Variants in OR5A1 observed in about 807,000 individuals in gnomAD.
OR5A1 encodes olfactory receptor family 5 subfamily A member 1.
A neutral mutation model predicts 6.7 loss-of-function variants in OR5A1; 6 were observed. That is an observed-to-expected ratio of 0.89 (90% CI 0.49 to 1.76). The LOEUF (loss-of-function observed/expected upper bound fraction) is 1.76, where lower values mean the gene tolerates loss of function less well. OR5A1 is among the 40% of genes most tolerant of loss of function. The pLI is 0.01. For synonymous variants in OR5A1, 170 were observed against 155.0 expected, an observed-to-expected ratio of 1.10 and a Z score of -0.72; for missense variants, 378 against 381.7, an observed-to-expected ratio of 0.99 and a Z score of 0.08.
chr11:59,441,659 T>TCAGTGTGG (rs1179573172), intron 1 of OR5A1, among the ~76,000 whole-genome samples: 9 of 152,212 alleles, frequency 5.9e-5, no homozygotes, highest in African/African-American at 1.9e-4. Flanking sequence ...GCATTGAGAC[T>TCAGTGTGG]CAGTGTGGCT....
At position 59,444,966 on chromosome 11, in the gene OR5A1, T is replaced by G. The variant is rs1048194906; in HGVS notation, c.*850T>G. 1 of 141,352 alleles carries G rather than the reference T, an allele frequency of 7.1e-6. No homozygotes were observed. Among genetic ancestry groups the G allele is most frequent in the Non-Finnish European group, 1.6e-5 (1 of 64,284 alleles). 8.8% of individuals were successfully genotyped at this position (141,352 alleles called of 1,614,324 possible). ...GTACCTCCTTGATTTTTCTTTAATA[T>G]TTCACTAAATGTTGTATTTTTTTTC... On this transcript the variant is annotated 3_prime_UTR_variant, in exon 2 of 2. Transcript: ENST00000641045.
Position 59,436,508 on chromosome 11 carries a change from C to T in OR5A1, c.-361C>T, listed in dbSNP as rs1399519387. On this transcript the variant is annotated 5_prime_UTR_variant, in exon 1 of 2. It introduces an in-frame stop codon into an upstream open reading frame of the 5' UTR. Coordinates refer to ENST00000641045, the MANE Select transcript of OR5A1 (RefSeq NM_001004728.2). ...AGGACAGAAGAAAAAAACCTCTCCC[C>T]AATTTACCCCCAACCCCAGCTTTGA... 13 of 152,148 alleles carry T rather than the reference C, an allele frequency of 8.5e-5. No individual in the cohort carries two copies. The highest frequency in any genetic ancestry group is 8.5e-4 in the Admixed American group (13 of 15,258). 9.4% of individuals were successfully genotyped at this position (152,148 alleles called of 1,614,324 possible).
intron 1 of OR5A1, among the ~76,000 whole-genome samples, chr11:59,439,945 T>C (rs186872288): frequency 1.1e-3 from 162 of 152,362 alleles, no homozygotes; most frequent in Middle Eastern, 3.4e-3. Flanking sequence ...TAAGGAATAG[T>C]TGCTGCTGAT....
chr11:59,439,280 G>C, intron 1 of OR5A1, among the ~76,000 whole-genome samples: 1 of 152,086 alleles, frequency 6.6e-6, no homozygotes, highest in Non-Finnish European at 1.5e-5. Context: ...TAGGTGCTTG[G>C]TTTTACTGTA....
At chr11:59,442,609 A>G (rs903177055) in intron 1 of OR5A1, among the ~76,000 whole-genome samples, 3 of 152,198 alleles carry the variant, frequency 2.0e-5, no homozygotes, top group Non-Finnish European at 4.4e-5. Flanking sequence ...CATTAAAAAC[A>G]TTCTATCTGA....
intron 1 of OR5A1, among the ~76,000 whole-genome samples, chr11:59,439,117 C>T (rs906723016): frequency 6.6e-6 from 1 of 152,158 alleles, no homozygotes; most frequent in Non-Finnish European, 1.5e-5. Flanking sequence ...TCCTCCATCA[C>T]AAACTGTGTC....
rs930122557 is a variant in OR5A1, at chr11:59,445,991, A to G, written c.*1875A>G. ...TTTGCAGAATCTCTTTAGTTTAATT[A>G]GATCCCATTTGCCAATGTTTGCTTT... On this transcript the variant is annotated 3_prime_UTR_variant, in exon 2 of 2. Coordinates refer to ENST00000641045, the MANE Select transcript of OR5A1 (RefSeq NM_001004728.2). The G allele has an allele frequency of 6.6e-6, 1 of 152,194 alleles. No individual in the cohort carries two copies. The highest frequency in any genetic ancestry group is 2.4e-5 in the African/African-American group (1 of 41,436). The allele number at this position is 152,194 out of a possible 1,614,324, so 9.4% of individuals were successfully genotyped here.
chr11:59,446,746 C>T lies in OR5A1; in HGVS notation c.*2630C>T, dbSNP rs982903979. The T allele has an allele frequency of 2.0e-5, 3 of 152,218 alleles. No homozygotes were observed. The highest frequency in any genetic ancestry group is 4.4e-5 in the Non-Finnish European group (3 of 68,038). 9.4% of individuals were successfully genotyped at this position (152,218 alleles called of 1,614,324 possible). On this transcript the variant is annotated 3_prime_UTR_variant, in exon 2 of 2. Transcript: ENST00000641045. Reference sequence around the variant, plus strand: ...TTCAGGCACTCACAGTGGAATTGTCCCACACAACTATTTCTGCTGGTAAAT... The same window carrying T: ...TTCAGGCACTCACAGTGGAATTGTCTCACACAACTATTTCTGCTGGTAAAT...
rs1298885649 is a variant in OR5A1 at position 59,447,177 on chromosome 11, T to A, written c.*3061T>A. 6.6e-6 allele frequency: 1 copy of A among 152,168 alleles called. No individual in the cohort carries two copies. The highest frequency in any genetic ancestry group is 2.4e-5 in the African/African-American group (1 of 41,450). 9.4% of individuals were successfully genotyped at this position (152,168 alleles called of 1,614,324 possible). A position where few individuals can be genotyped will look rare whatever the true frequency, so the allele number is the denominator to read the frequency against. On this transcript the variant is annotated 3_prime_UTR_variant, in exon 2 of 2. Transcript: ENST00000641045. ...TGAGACTAAACTCATAAACACTTTG[T>A]GACATTTCCCCCAAGTGGGCCCCTG...
Position 59,448,487 on chromosome 11 carries a change from A to G in OR5A1, c.*4371A>G, listed in dbSNP as rs1858578517. On this transcript the variant is annotated 3_prime_UTR_variant, in exon 2 of 2. Transcript: ENST00000641045. ...TCATCCAATGCTTGGATCTTACAGG[A>G]TTATTATGAGCCCAAAAAAAGAAAA... 1 of 152,158 alleles carries G rather than the reference A, an allele frequency of 6.6e-6. No homozygotes were observed. Among genetic ancestry groups the G allele is most frequent in the Admixed American group, 6.5e-5 (1 of 15,268 alleles). The allele number at this position is 152,158 out of a possible 1,614,324, so 9.4% of individuals were successfully genotyped here.
At chr11:59,440,265 T>G (rs1211065700) in intron 1 of OR5A1, among the ~76,000 whole-genome samples, 3 of 152,056 alleles carry the variant, frequency 2.0e-5, no homozygotes, top group Admixed American at 6.6e-5. Flanking sequence ...AGAGATGAGG[T>G]CTCACCATGT....
Position 59,443,486 on chromosome 11 carries a change from C to T in OR5A1, c.318C>T (p.Phe106=), listed in dbSNP as rs1451379723. Residue 106 remains phenylalanine, a synonymous_variant, in exon 2 of 2, where the codon TTC becomes TTT. Transcript: ENST00000641045. Reference sequence around the variant, plus strand: ...TGGGCTGTGCTGCTCAGTTTTTTTTCTTTGTCGGCATGGGTCTGTCTGAGT... The same window carrying T: ...TGGGCTGTGCTGCTCAGTTTTTTTTTTTTGTCGGCATGGGTCTGTCTGAGT... ...SFVGCAAQFF[F]FVGMGLSECL... 1 of 1,613,864 alleles carries T rather than the reference C, an allele frequency of 6.2e-7. No individual in the cohort carries two copies. The highest frequency in any genetic ancestry group is 1.1e-5 in the South Asian group (1 of 91,064).
In OR5A1 at chr11:59,443,392, G is replaced by A. The variant is rs865781042; in HGVS notation, c.224G>A (p.Cys75Tyr). Residue 75 changes from cysteine to tyrosine, a missense_variant, in exon 2 of 2, where the codon TGC becomes TAC. Transcript: ENST00000641045. The part of the protein sequence containing the change: ...FLSNLSFIDI[C>Y]YSSAVAPNML... ...AGCAACTTATCTTTCATTGACATCT[G>A]CTACTCTTCTGCTGTGGCTCCCAAT... 5 of 1,613,636 alleles carry A rather than the reference G, an allele frequency of 3.1e-6. No individual in the cohort carries two copies. In the African/African-American group the frequency reaches 5.3e-5, roughly 17 times the overall value.
In OR5A1 at chr11:59,443,229, A is replaced by G. The variant is rs535458668; in HGVS notation, c.61A>G (p.Thr21Ala). ...GACCATGTTCATCCTCCTGGGATTC[A>G]CAGACCATCCAGAACTCCAGGCCCT... Reference protein sequence around the residue: ...SVTMFILLGFTDHPELQALLF... With the variant: ...SVTMFILLGFADHPELQALLF... The change falls in exon 2 of 2, where the codon ACA (threonine) becomes GCA (alanine). Residue 21 changes from threonine (T) to alanine (A), a missense_variant. Physicochemically the swap from Thr to Ala is moderately conservative, Grantham distance 58. Transcript: ENST00000641045. 2.5e-6 allele frequency: 4 copies of G among 1,614,102 alleles called. No homozygotes were observed. In the South Asian group the frequency reaches 4.4e-5, roughly 18 times the overall value.
chr11:59,442,442 C>A lies in OR5A1; in HGVS notation c.-33-694C>A, dbSNP rs918242752. Among the ~76,000 whole-genome samples the A allele has an allele frequency of 6.8e-5, 10 of 147,328 alleles. No homozygotes were observed. The East Asian group carries it at 1.8e-3, about 26-fold the overall frequency. On this transcript the variant is annotated intron_variant, in intron 1 of 1. Coordinates refer to ENST00000641045, the MANE Select transcript of OR5A1 (RefSeq NM_001004728.2). ...GGGCAACAAGAGCGAAACTCCATCT[C>A]AAAAAAAAATAAAAAATAAGAAATA... is the stretch of plus-strand genomic sequence containing the variant.
rs1858610476 is a variant in OR5A1, at chr11:59,451,056, A to G, written c.*6940A>G. The G allele has an allele frequency of 1.3e-5, 2 of 152,204 alleles. No homozygotes were observed. The highest frequency in any genetic ancestry group is 4.8e-5 in the African/African-American group (2 of 41,456). 9.4% of individuals were successfully genotyped at this position (152,204 alleles called of 1,614,324 possible). ...TTGAGTCACGGGGTTTGTACATATT[A>G]CATTTTGACACATATTTCCAGAATG... On this transcript the variant is annotated 3_prime_UTR_variant, in exon 2 of 2. Transcript: ENST00000641045.
Position 59,443,189 on chromosome 11 carries a change from G to A in OR5A1, c.21G>A (p.Trp7Ter), listed in dbSNP as rs1347851371. 1.2e-6 allele frequency: 2 copies of A among 1,613,906 alleles called. No homozygotes were observed. Among genetic ancestry groups the A allele is most frequent in the Non-Finnish European group, 1.7e-6 (2 of 1,179,904 alleles). The change falls in exon 2 of 2, where the codon TGG becomes TGA. Residue 7 changes from tryptophan (W) to a stop codon, truncating the protein, a stop_gained. Coordinates refer to ENST00000641045, the MANE Select transcript of OR5A1 (RefSeq NM_001004728.2). LOFTEE classifies it high-confidence loss of function. MSITKA[W>*]NSSSVTMFIL... ...GAAGCATGTCCATAACCAAAGCCTG[G>A]AACAGCTCATCAGTGACCATGTTCA...
intron 1 of OR5A1, among the ~76,000 whole-genome samples, chr11:59,438,759 A>T (rs1301092095): frequency 6.6e-6 from 1 of 152,220 alleles, no homozygotes; most frequent in African/African-American, 2.4e-5. Flanking sequence ...CACACTTTAC[A>T]CAGCAGATTT....
chr11:59,438,138 G>C (rs1858442610), intron 1 of OR5A1, among the ~76,000 whole-genome samples: 1 of 152,160 alleles, frequency 6.6e-6, no homozygotes, highest in African/African-American at 2.4e-5. Flanking sequence ...GCAGATGCCA[G>C]CGCCACACTT....
Sources: gnomAD v4.1 joint callset for allele counts (sites outside exome capture counted in the v4.1 genomes callset) on GRCh38, gnomAD v4.1.1 for gene constraint, MANE v1.5 for transcripts, NCBI Gene and HGNC (gene_info 2026-07-23, HGNC 2026-07-21) for gene names.